Variants in WDR86 observed in about 807,000 individuals in gnomAD.
The protein encoded by WDR86 is WD repeat domain 86, also known as WD repeat-containing protein 86.
In WDR86, 30 loss-of-function variants were observed where a neutral mutation model predicts 36.5. The ratio of observed to expected loss-of-function variants is 0.82; its 90% CI spans 0.61 to 1.11. WDR86 has a LOEUF of 1.11. WDR86 is among the 50% of genes most tolerant of loss of function. The pLI is 0.00. For synonymous variants in WDR86, 255 were observed against 252.9 expected (o/e 1.01, Z -0.08); for missense variants, 545 against 561.2 (o/e 0.97, Z 0.29).
intron 3 of WDR86, among the ~76,000 whole-genome samples, chr7:151,386,647 C>A (rs1459337840): frequency 6.6e-6 from 1 of 152,206 alleles, no homozygotes; most frequent in East Asian, 1.9e-4. Flanking sequence ...ACAGTTCCTG[C>A]CAGTAATGCG....
chr7:151,376,775 T>C (rs756395362), downstream of WDR86: 2 of 1,593,186 alleles, frequency 1.3e-6, no homozygotes, highest in African/African-American at 1.3e-5. Flanking sequence ...AGAAGACTCT[T>C]TGTCCCCGCC....
chr7:151,398,903 A>C (rs983502217), intron 2 of WDR86, among the ~76,000 whole-genome samples: 1 of 152,156 alleles, frequency 6.6e-6, no homozygotes, highest in Non-Finnish European at 1.5e-5. Context: ...CCTGACTCAC[A>C]GGAGGGCGCT....
downstream of WDR86, among the ~76,000 whole-genome samples, chr7:151,371,442 C>G (rs1797955406): frequency 7.1e-6 from 1 of 140,530 alleles, no homozygotes; most frequent in African/African-American, 2.6e-5. Flanking sequence ...AGGGAAAATC[C>G]TGAGCTTCTT....
intron 2 of WDR86, among the ~76,000 whole-genome samples, chr7:151,397,638 A>AAG (rs776095711): frequency 4.0e-4 from 51 of 127,654 alleles, no homozygotes; most frequent in African/African-American, 1.5e-3. Flanking sequence ...TAGCGGGAGG[A>AAG]AGGGCATAGC....
At chr7:151,396,557 G>C (rs553740950) in intron 2 of WDR86, among the ~76,000 whole-genome samples, 1 of 152,376 alleles carries the variant, frequency 6.6e-6, no homozygotes, top group South Asian at 2.1e-4. Context: ...GGAAGGTAGG[G>C]GAGCACGGCC....
At position 151,388,145 on chromosome 7, in the gene WDR86, G is replaced by C. The variant is rs1297407247; in HGVS notation, c.727-2922C>G. ...CCAGAGACTGCCCCACGACATCCTT[G>C]CTGTGGTCCCCACCACCTCGGGCTC... On this transcript the variant is annotated intron_variant, in intron 3 of 5. Coordinates refer to ENST00000334493, the MANE Select transcript of WDR86 (RefSeq NM_198285.3). This position sits in a 1 kb window ranked among gnomAD's most constrained non-coding sequence, Gnocchi z 4.2. Among the ~76,000 whole-genome samples, 1 of 152,202 alleles carries C rather than the reference G, an allele frequency of 6.6e-6. No homozygotes were observed. The highest frequency in any genetic ancestry group is 1.5e-5 in the Non-Finnish European group (1 of 68,038).
intron 3 of WDR86, among the ~76,000 whole-genome samples, chr7:151,394,542 G>C (rs543322015): frequency 6.6e-6 from 1 of 152,364 alleles, no homozygotes; most frequent in Admixed American, 6.5e-5. Flanking sequence ...CAGGGCAGAG[G>C]CTGGCCGAGA....
chr7:151,404,561 C>T (rs2150865024), intron 1 of WDR86, among the ~76,000 whole-genome samples: 1 of 152,288 alleles, frequency 6.6e-6, no homozygotes, highest in South Asian at 2.1e-4. Context: ...GAGCTGAGGC[C>T]CCCACCCCAA....
At chr7:151,408,965 C>T (rs1800967843) in intron 1 of WDR86, 1 of 473,712 alleles carries the variant, frequency 2.1e-6, no homozygotes, top group Admixed American at 2.3e-5. Context: ...ACCGCTGGCC[C>T]TTAACAAGCG....
rs2150772513 is a variant in WDR86 at position 151,388,571 on chromosome 7, T to C, written c.727-3348A>G. 6.6e-6 allele frequency among the ~76,000 whole-genome samples: 1 copy of C among 152,326 alleles called. No homozygotes were observed. Among genetic ancestry groups the C allele is most frequent in the East Asian group, 1.9e-4 (1 of 5,172 alleles). ...CCCTCTCCAAAGGAGGCCTGTGTGC[T>C]CCTGGCTCTGTCCCCACCTGGCTTC... On this transcript the variant is annotated intron_variant, in intron 3 of 5. Transcript: ENST00000334493. The surrounding 1 kb of genome is among the most constrained non-coding windows in gnomAD (Gnocchi z 4.2).
chr7:151,402,070 A>AAAAAAAAAAAAAAAAATATATATAT, intron 1 of WDR86, among the ~76,000 whole-genome samples: 1 of 50,554 alleles, frequency 2.0e-5, no homozygotes, highest in Non-Finnish European at 3.3e-5. Context: ...AAAAAAAAAA[A>AAAAAAAAAAAAAAAAATATATATAT]ATATATATAT....
At position 151,396,328 on chromosome 7, in the gene WDR86, G is replaced by A. The variant is rs547526405; in HGVS notation, c.306-132C>T. The stretch of plus-strand genomic sequence containing the variant: ...TGTGTCTGCCCAGCTTGCCACACTC[G>A]TCTTCCAAGGTCCAGCTCAAATCGC... On this transcript the variant is annotated intron_variant, in intron 2 of 5. Coordinates refer to ENST00000334493, the MANE Select transcript of WDR86 (RefSeq NM_198285.3). 2.3e-4 allele frequency: 242 copies of A among 1,037,722 alleles called. No homozygotes were observed. The African/African-American group carries it at 3.4e-3, about 14-fold the overall frequency. 64.3% of individuals were successfully genotyped at this position (1,037,722 alleles called of 1,614,324 possible).
At chr7:151,377,076 A>G (rs1260636496), downstream of WDR86, 5 of 1,572,974 alleles carry the variant, frequency 3.2e-6, no homozygotes, top group Middle Eastern at 1.7e-4. Context: ...AGACGAAGAC[A>G]TGGAGACAGA....
chr7:151,400,190 G>C lies in WDR86; in HGVS notation c.215C>G (p.Thr72Arg). The C allele has an allele frequency of 6.2e-7, 1 of 1,611,836 alleles. No individual in the cohort carries two copies. The highest frequency in any genetic ancestry group is 8.5e-7 in the Non-Finnish European group (1 of 1,179,026). ...FCQLEDEAAF[T>R]CSADCTIRRW... ...CCTGATGGTGCAGTCGGCGCTGCAT[G>C]TGAAGGCAGCCTCATCCTCCAGCTG... is the stretch of plus-strand genomic sequence containing the variant. Residue 72 changes from threonine to arginine, a missense_variant, in exon 2 of 6, where the codon ACA becomes AGA. Transcript: ENST00000334493.
At chr7:151,402,265 C>T (rs1207851418) in intron 1 of WDR86, among the ~76,000 whole-genome samples, 1 of 151,496 alleles carries the variant, frequency 6.6e-6, no homozygotes, top group African/African-American at 2.4e-5. Flanking sequence ...AGATGTGGCC[C>T]TGCTGACACC....
rs949462998 is a variant in WDR86, at chr7:151,410,031, A to T, written c.-442T>A. On this transcript the variant is annotated 5_prime_UTR_variant, in exon 1 of 6. Transcript: ENST00000334493. ...CGCCCTCCCCGGCCGAGCGCGGAACAATACGGTCCAGCCTGGCTCCTCCTC... is the reference window on the plus strand; with the variant it reads ...CGCCCTCCCCGGCCGAGCGCGGAACTATACGGTCCAGCCTGGCTCCTCCTC... The T allele has an allele frequency of 1.0e-6, 1 of 990,856 alleles. No homozygotes were observed. The highest frequency in any genetic ancestry group is 4.7e-5 in the South Asian group (1 of 21,404). 61.4% of individuals were successfully genotyped at this position (990,856 alleles called of 1,614,324 possible). A position where few individuals can be genotyped will look rare whatever the true frequency, so the allele number is the denominator to read the frequency against.
At chr7:151,407,195 C>T (rs956594623) in intron 1 of WDR86, among the ~76,000 whole-genome samples, 9 of 152,220 alleles carry the variant, frequency 5.9e-5, no homozygotes, top group Non-Finnish European at 1.2e-4. Flanking sequence ...GATAGCCCTG[C>T]CCTCAATTAG....
At chr7:151,378,308 G>T (rs1007527604), downstream of WDR86, 10 of 152,386 alleles carry the variant, frequency 6.6e-5, no homozygotes, top group Admixed American at 3.9e-4. Context: ...CTGAAGACAG[G>T]ATGGATCATG....
intron 1 of WDR86, among the ~76,000 whole-genome samples, chr7:151,407,392 C>T (rs1031196082): frequency 1.4e-4 from 22 of 152,208 alleles, no homozygotes; most frequent in African/African-American, 5.3e-4. Flanking sequence ...AGCCAAGTGC[C>T]CACCAGGCTA....
Sources: allele counts gnomAD v4.1 joint callset (sites outside exome capture counted in the v4.1 genomes callset), GRCh38; gene constraint gnomAD v4.1.1; non-coding constraint Gnocchi (gnomAD v3.1); transcripts MANE v1.5; gene names NCBI Gene and HGNC (gene_info 2026-07-23, HGNC 2026-07-21).